C2CD5: variants seen among roughly 807,000 people sequenced by gnomAD.
C2CD5 encodes the protein C2 domain-containing protein 5.
Under a neutral mutation model 130.3 loss-of-function variants are expected in C2CD5, and 109 were observed. The ratio of observed to expected loss-of-function variants is 0.84; its 90% CI spans 0.72 to 0.98. The LOEUF (loss-of-function observed/expected upper bound fraction) is 0.98. Ranked by LOEUF, C2CD5 falls within the 50% of genes least tolerant of loss-of-function variation. The pLI is 0.00. For synonymous variants in C2CD5, 454 were observed against 429.2 expected (o/e 1.06, Z -0.71); for missense variants, 996 against 1,261.8 (o/e 0.79, Z 3.19).
chr12:22,540,936 G>C lies in C2CD5; in HGVS notation c.90+3125C>G, dbSNP rs1290956792. ...AAACCGTGGTACTGATTTTTTAATT[G>C]TAAGGATATATTAACTAAAAAATAT... On this transcript the variant is annotated intron_variant, in intron 2 of 26. Transcript: ENST00000446597. Among the ~76,000 whole-genome samples the C allele has an allele frequency of 3.3e-5, 5 of 152,270 alleles. No individual in the cohort carries two copies. The South Asian group carries it at 1.0e-3, about 32-fold the overall frequency.
chr12:22,481,183 T>A (rs1008229858), intron 14 of C2CD5, among the ~76,000 whole-genome samples: 4 of 152,194 alleles, frequency 2.6e-5, no homozygotes, highest in African/African-American at 9.7e-5. Context: ...TAATACCTAA[T>A]TAGTTTATCA....
At chr12:22,529,823 C>T (rs558295721) in intron 3 of C2CD5, among the ~76,000 whole-genome samples, 1 of 151,854 alleles carries the variant, frequency 6.6e-6, no homozygotes, top group African/African-American at 2.4e-5. Flanking sequence ...CTCATCAGCT[C>T]CTCCTCCTGG....
intron 9 of C2CD5, among the ~76,000 whole-genome samples, chr12:22,508,893 G>A (rs1208377972): frequency 5.5e-5 from 8 of 145,154 alleles, no homozygotes; most frequent in South Asian, 2.2e-4. Flanking sequence ...TTTTTGAGAC[G>A]GAGTCTCGCT....
At chr12:22,534,484 ATAAGT>A (rs1415550615) in intron 3 of C2CD5, among the ~76,000 whole-genome samples, 1 of 152,202 alleles carries the variant, frequency 6.6e-6, no homozygotes, top group African/African-American at 2.4e-5. Flanking sequence ...ATATCTGATA[ATAAGT>A]TAATATTCAG....
intron 14 of C2CD5, 144 bp downstream of exon 14, chr12:22,482,413 A>T: frequency 1.7e-6 from 1 of 602,854 alleles, no homozygotes; most frequent in Non-Finnish European, 2.8e-6. Context: ...CAGATTTTTC[A>T]CTTCTTAAAA....
intron 18 of C2CD5, 37 bp downstream of exon 18, chr12:22,472,249 T>G: frequency 8.4e-7 from 1 of 1,190,000 alleles, no homozygotes; most frequent in Non-Finnish European, 1.2e-6. Flanking sequence ...AAATAACTTA[T>G]GTGTTATGTG....
chr12:22,527,699 A>G lies in C2CD5; in HGVS notation c.349+22T>C, dbSNP rs768493757. On this transcript the variant is annotated intron_variant, in intron 4 of 26. Coordinates refer to ENST00000446597, the MANE Select transcript of C2CD5 (RefSeq NM_001286176.2). ...AAAAAGATTAAGATTGTTATTTATA[A>G]TACTTTCTTATTATTCCTTACCATG... 2.3e-6 allele frequency: 3 copies of G among 1,301,228 alleles called. No individual in the cohort carries two copies. The East Asian group carries it at 7.4e-5, about 32-fold the overall frequency. The allele number at this position is 1,301,228 out of a possible 1,614,324, so 80.6% of individuals were successfully genotyped here.
chr12:22,478,905 T>A (rs1250068041), intron 14 of C2CD5, among the ~76,000 whole-genome samples: 1 of 151,854 alleles, frequency 6.6e-6, no homozygotes, highest in East Asian at 1.9e-4. Flanking sequence ...TTAGGAAGAA[T>A]ATAATCAGCA....
At chr12:22,478,860 A>G (rs1394446817) in intron 14 of C2CD5, among the ~76,000 whole-genome samples, 5 of 147,072 alleles carry the variant, frequency 3.4e-5, no homozygotes, top group Non-Finnish European at 7.8e-5. Context: ...AAAAGAAAAA[A>G]AGGGAAAAAA....
intron 22 of C2CD5, among the ~76,000 whole-genome samples, chr12:22,466,501 A>C (rs1269710183): frequency 1.3e-5 from 2 of 151,918 alleles, no homozygotes; most frequent in Non-Finnish European, 2.9e-5. Context: ...CTATTTTTGA[A>C]TTTTTCCAGA....
intron 2 of C2CD5, among the ~76,000 whole-genome samples, chr12:22,541,127 C>G (rs1480467627): frequency 6.6e-6 from 1 of 152,066 alleles, no homozygotes; most frequent in African/African-American, 2.4e-5. Context: ...ATTAAAGACC[C>G]TAAAGACATC....
Position 22,513,291 on chromosome 12 carries a change from T to C in C2CD5, c.1038+3A>G, listed in dbSNP as rs1949389325. 1.3e-6 allele frequency: 2 copies of C among 1,593,818 alleles called. No individual in the cohort carries two copies. The highest frequency in any genetic ancestry group is 1.7e-5 in the Admixed American group (1 of 59,938). ...AGAACAAAGAATATCAAGTGAATCT[T>C]ACCCTCTGTTCCAACGCTGATTGAG... is the stretch of plus-strand genomic sequence containing the variant. On this transcript the variant is annotated splice_donor_region_variant and intron_variant, in intron 9 of 26. Transcript: ENST00000446597.
intron 5 of C2CD5, among the ~76,000 whole-genome samples, chr12:22,525,117 G>A (rs1950612584): frequency 6.6e-6 from 1 of 152,098 alleles, no homozygotes; most frequent in Non-Finnish European, 1.5e-5. Flanking sequence ...GATTCAAAAA[G>A]GAGAGAGAGA....
At chr12:22,477,676 C>T (rs1944047253) in intron 15 of C2CD5, among the ~76,000 whole-genome samples, 2 of 151,972 alleles carry the variant, frequency 1.3e-5, no homozygotes, top group South Asian at 4.2e-4. Context: ...ACCCATTTTT[C>T]TTTCAATTCA....
At chr12:22,471,170 TA>T (rs1187857728) in intron 20 of C2CD5, among the ~76,000 whole-genome samples, 1 of 152,048 alleles carries the variant, frequency 6.6e-6, no homozygotes. Flanking sequence ...ACATGATGGG[TA>T]CAGATCCTAC....
At chr12:22,469,248 G>A (rs952603665) in intron 22 of C2CD5, among the ~76,000 whole-genome samples, 14 of 151,936 alleles carry the variant, frequency 9.2e-5, no homozygotes, top group African/African-American at 3.1e-4. Context: ...AAGACAGGAA[G>A]CTCATCGCTT....
chr12:22,530,076 CTATATATATA>C (rs918605281), intron 3 of C2CD5, among the ~76,000 whole-genome samples: 37 of 77,296 alleles, frequency 4.8e-4, no homozygotes, highest in Non-Finnish European at 6.5e-4. Context: ...TATTTGAGTG[CTATATATATA>C]TATATATATA....
intron 16 of C2CD5, 35 bp from the exon 17 acceptor site, chr12:22,472,842 T>G: frequency 9.3e-7 from 1 of 1,073,682 alleles, no homozygotes; most frequent in Non-Finnish European, 1.4e-6. Context: ...TTATAAGTAG[T>G]AAATGCATAA....
chr12:22,524,725 C>T, intron 5 of C2CD5, 98 bp from the exon 6 acceptor site: 2 of 726,488 alleles, frequency 2.8e-6, no homozygotes, highest in Non-Finnish European at 4.6e-6. Flanking sequence ...ATACATAATA[C>T]AAGAACATCT....
Sources: allele counts gnomAD v4.1 joint callset (sites outside exome capture counted in the v4.1 genomes callset), GRCh38; gene constraint gnomAD v4.1.1; transcripts MANE v1.5; gene names NCBI Gene and HGNC (gene_info 2026-07-23, HGNC 2026-07-21).